The following BAG3 variants were observed in gnomAD, a reference collection of about 807,000 sequenced individuals.
BAG3 encodes the protein BAG family molecular chaperone regulator 3.
Under a neutral mutation model 40.5 loss-of-function variants are expected in BAG3, and 14 were observed. The ratio of observed to expected loss-of-function variants is 0.35; its 90% CI spans 0.23 to 0.54. The LOEUF is 0.54. Ranked by LOEUF, BAG3 falls within the 20% of genes least tolerant of loss-of-function variation. The probability of loss-of-function intolerance (pLI) is 0.91; values close to 1 mark genes in which losing one functional copy is unlikely to be tolerated. For missense variants in BAG3, 788 were observed against 758.6 expected (o/e 1.04, Z -0.46); for synonymous variants, 302 against 307.8 (o/e 0.98, Z 0.20).
At chr10:119,665,088 T>TTGGTG (rs1309937080) in intron 1 of BAG3, among the ~76,000 whole-genome samples, 1 of 61,900 alleles carries the variant, frequency 1.6e-5, no homozygotes, top group South Asian at 5.3e-4. Flanking sequence ...CAGCTAATTT[T>TTGGTG]TGTTTGTGTG....
At position 119,651,575 on chromosome 10, in the gene BAG3, T is replaced by G; in HGVS notation, c.-101T>G. ...GCCCGGCGCCGGCTTCCCGGACACG[T>G]CGGCGGCGGAGAGGGGCCCACGGCG... is the stretch of plus-strand genomic sequence containing the variant. On this transcript the variant is annotated 5_prime_UTR_variant, in exon 1 of 4. Coordinates refer to ENST00000369085, the MANE Select transcript of BAG3 (RefSeq NM_004281.4). 8.6e-7 allele frequency: 1 copy of G among 1,165,702 alleles called. No individual in the cohort carries two copies. The highest frequency in any genetic ancestry group is 1.1e-6 in the Non-Finnish European group (1 of 895,872). 72.2% of individuals were successfully genotyped at this position (1,165,702 alleles called of 1,614,324 possible). A position where few individuals can be genotyped will look rare whatever the true frequency, so the allele number is the denominator to read the frequency against.
At chr10:119,674,043 C>T (rs758991947) in intron 3 of BAG3, among the ~76,000 whole-genome samples, 13 of 152,212 alleles carry the variant, frequency 8.5e-5, no homozygotes, top group Non-Finnish European at 1.9e-4. Context: ...TCCAGGATGT[C>T]TTCCAGGACT....
At position 119,651,463 on chromosome 10, in the gene BAG3, T is replaced by C. The variant is rs1323372820; in HGVS notation, c.-213T>C. The C allele has an allele frequency of 1.1e-5, 5 of 440,744 alleles. No individual in the cohort carries two copies. Among genetic ancestry groups the C allele is most frequent in the African/African-American group, 1.0e-4 (5 of 47,936 alleles). 27.3% of individuals were successfully genotyped at this position (440,744 alleles called of 1,614,324 possible). On this transcript the variant is annotated 5_prime_UTR_variant, in exon 1 of 4. Coordinates refer to ENST00000369085, the MANE Select transcript of BAG3 (RefSeq NM_004281.4). ...CCAGTTGCTACCTCCCTTTATCTCCTCCTTCCCCTCTGGCAGCGAGGAGGC... is the reference window on the plus strand; with the variant it reads ...CCAGTTGCTACCTCCCTTTATCTCCCCCTTCCCCTCTGGCAGCGAGGAGGC...
Position 119,651,784 on chromosome 10 carries a change from C to A in BAG3, c.109C>A (p.Pro37Thr). 1 of 1,602,452 alleles carries A rather than the reference C, an allele frequency of 6.2e-7. No homozygotes were observed. Among genetic ancestry groups the A allele is most frequent in the Non-Finnish European group, 8.5e-7 (1 of 1,175,122 alleles). The change falls in exon 1 of 4, where the codon CCC becomes ACC. Residue 37 changes from proline to threonine, a missense_variant. Physicochemically the swap from Pro to Thr is conservative, Grantham distance 38. Transcript: ENST00000369085. Reference protein sequence around the residue: ...EIKIDPQTGWPFFVDHNSRTT... With the variant: ...EIKIDPQTGWTFFVDHNSRTT... ...CAAGATCGACCCGCAGACCGGCTGG[C>A]CCTTCTTCGTGGACCACAACAGCCG...
At chr10:119,653,460 A>G (rs1846870606) in intron 1 of BAG3, among the ~76,000 whole-genome samples, 1 of 152,226 alleles carries the variant, frequency 6.6e-6, no homozygotes, top group South Asian at 2.1e-4. Context: ...AAGTTTGAAC[A>G]TAAACATTCC....
chr10:119,664,916 G>T (rs958659369), intron 1 of BAG3, among the ~76,000 whole-genome samples: 1 of 151,728 alleles, frequency 6.6e-6, no homozygotes, highest in Non-Finnish European at 1.5e-5. Flanking sequence ...GGTGTTTTTT[G>T]TGTGTGTGTG....
At chr10:119,652,671 A>C (rs1589620495) in intron 1 of BAG3, among the ~76,000 whole-genome samples, 1 of 152,188 alleles carries the variant, frequency 6.6e-6, no homozygotes, top group African/African-American at 2.4e-5. Flanking sequence ...TATATTTATA[A>C]TGGCATTCGC....
chr10:119,676,344 A>T, intron 3 of BAG3, 120 bp from the exon 4 acceptor site: 2 of 1,000,700 alleles, frequency 2.0e-6, no homozygotes, highest in Non-Finnish European at 3.0e-6. Context: ...AATCTTTTAT[A>T]CTATTAAACT....
In BAG3 at chr10:119,672,124, T is replaced by C. The variant is rs750103494; in HGVS notation, c.508-131T>C. On this transcript the variant is annotated intron_variant, in intron 2 of 3. Transcript: ENST00000369085. This position sits in a 1 kb window ranked among gnomAD's most constrained non-coding sequence, Gnocchi z 4.8. The stretch of plus-strand genomic sequence containing the variant: ...CAGTCTTAACCGCACATTTTGAAAA[T>C]TGAAAATTACAGATAGGAGGTCTTA... 3 of 1,314,776 alleles carry C rather than the reference T, an allele frequency of 2.3e-6. No homozygotes were observed. The highest frequency in any genetic ancestry group is 1.4e-5 in the African/African-American group (1 of 69,058). 81.4% of individuals were successfully genotyped at this position (1,314,776 alleles called of 1,614,324 possible). A position where few individuals can be genotyped will look rare whatever the true frequency, so the allele number is the denominator to read the frequency against.
Position 119,651,618 on chromosome 10 carries a change from T to TCGGCGCCCGGAGC in BAG3, c.-56_-44dup. On this transcript the variant is annotated 5_prime_UTR_variant, in exon 1 of 4. Transcript: ENST00000369085. ...CCACGGCGGCGGCCCGGCCAGAGAC[T>TCGGCGCCCGGAGC]CGGCGCCCGGAGCCAGCGCCCCGCA... 1 of 1,423,552 alleles carries TCGGCGCCCGGAGC rather than the reference T, an allele frequency of 7.0e-7. No individual in the cohort carries two copies. Among genetic ancestry groups the TCGGCGCCCGGAGC allele is most frequent in the Non-Finnish European group, 9.2e-7 (1 of 1,082,460 alleles). 88.2% of individuals were successfully genotyped at this position (1,423,552 alleles called of 1,614,324 possible). A position where few individuals can be genotyped will look rare whatever the true frequency, so the allele number is the denominator to read the frequency against.
rs979351243 is a variant in BAG3, at chr10:119,677,344, T to C, written c.*62T>C. ...GTGCTTTAGGGAATTTTAAGTTGCATGCATTTCAGAGACTTTAAGTCAGTT... is the reference window on the plus strand; with the variant it reads ...GTGCTTTAGGGAATTTTAAGTTGCACGCATTTCAGAGACTTTAAGTCAGTT... On this transcript the variant is annotated 3_prime_UTR_variant, in exon 4 of 4. Transcript: ENST00000369085. 6 of 1,601,484 alleles carry C rather than the reference T, an allele frequency of 3.7e-6. No homozygotes were observed. The Admixed American group carries it at 8.5e-5, about 23-fold the overall frequency.
At chr10:119,654,370 T>G (rs1846882806) in intron 1 of BAG3, among the ~76,000 whole-genome samples, 1 of 152,216 alleles carries the variant, frequency 6.6e-6, no homozygotes, top group Non-Finnish European at 1.5e-5. Flanking sequence ...AGACGACCTC[T>G]CTTTTGGGGG....
rs540622185 is a variant in BAG3, at chr10:119,676,035, T to A, written c.910-429T>A. ...TGAATTCCTGGGCTCAAGCGATTCT[T>A]CCGCCTCAGCCTTCTGAGTAGCTGG... On this transcript the variant is annotated intron_variant, in intron 3 of 3. Coordinates refer to ENST00000369085, the MANE Select transcript of BAG3 (RefSeq NM_004281.4). 1.9e-4 allele frequency among the ~76,000 whole-genome samples: 28 copies of A among 147,002 alleles called. No homozygotes were observed. In the South Asian group the frequency reaches 6.5e-3, roughly 34 times the overall value.
chr10:119,672,113 C>T lies in BAG3; in HGVS notation c.508-142C>T, dbSNP rs767007589. On this transcript the variant is annotated intron_variant, in intron 2 of 3. Transcript: ENST00000369085. This position sits in a 1 kb window ranked among gnomAD's most constrained non-coding sequence, Gnocchi z 4.8. ...CCCAGAGCTCTCAGTCTTAACCGCA[C>T]ATTTTGAAAATTGAAAATTACAGAT... 4.4e-5 allele frequency: 54 copies of T among 1,219,286 alleles called. No homozygotes were observed. The highest frequency in any genetic ancestry group is 5.4e-5 in the Admixed American group (3 of 55,316). 75.5% of individuals were successfully genotyped at this position (1,219,286 alleles called of 1,614,324 possible).
chr10:119,672,694 G>C lies in BAG3; in HGVS notation c.909+38G>C. ...AGTCGTCAGCAGACTGGTTATGGTG[G>C]TATGTCTCCAGGGGTGCAGGAGCTC... On this transcript the variant is annotated intron_variant, in intron 3 of 3. Coordinates refer to ENST00000369085, the MANE Select transcript of BAG3 (RefSeq NM_004281.4). This position sits in a 1 kb window ranked among gnomAD's most constrained non-coding sequence, Gnocchi z 4.8. The C allele has an allele frequency of 6.2e-7, 1 of 1,606,682 alleles. No individual in the cohort carries two copies. The highest frequency in any genetic ancestry group is 8.5e-7 in the Non-Finnish European group (1 of 1,179,958).
Position 119,655,860 on chromosome 10 carries a change from AG to A in BAG3, c.180+4008del, listed in dbSNP as rs557319462. Among the ~76,000 whole-genome samples, 364 of 151,640 alleles carry A rather than the reference AG, an allele frequency of 2.4e-3. 2 individuals carry two copies. The highest frequency in any genetic ancestry group is 8.5e-3 in the African/African-American group (352 of 41,342). On this transcript the variant is annotated intron_variant, in intron 1 of 3. Transcript: ENST00000369085. ...TTGTAGGGTAGATTTGCCCTTTATGAGGGTGGAGCCTGTACACAGGACCTGC... is the reference window on the plus strand; with the variant it reads ...TTGTAGGGTAGATTTGCCCTTTATGAGGTGGAGCCTGTACACAGGACCTGC...
chr10:119,675,254 G>C (rs545044236), intron 3 of BAG3, among the ~76,000 whole-genome samples: 38 of 152,072 alleles, frequency 2.5e-4, no homozygotes, highest in African/African-American at 9.2e-4. Flanking sequence ...GATCACTTGA[G>C]GCCAGAAGGT....
intron 1 of BAG3, among the ~76,000 whole-genome samples, chr10:119,656,833 A>T (rs1846919877): frequency 6.6e-6 from 1 of 152,060 alleles, no homozygotes; most frequent in Non-Finnish European, 1.5e-5. Context: ...TGCTTTTGGT[A>T]ACCTTATCTC....
At chr10:119,657,079 G>C (rs906292886) in intron 1 of BAG3, among the ~76,000 whole-genome samples, 3 of 152,110 alleles carry the variant, frequency 2.0e-5, no homozygotes, top group Non-Finnish European at 4.4e-5. Flanking sequence ...GTGATAAACA[G>C]CCCTGAGTCC....
Sources: gnomAD v4.1 joint callset for allele counts (sites outside exome capture counted in the v4.1 genomes callset) on GRCh38, gnomAD v4.1.1 for gene constraint, Gnocchi (gnomAD v3.1) non-coding constraint, MANE v1.5 for transcripts, NCBI Gene and HGNC (gene_info 2026-07-23, HGNC 2026-07-21) for gene names.